NVL: variants seen among roughly 807,000 people sequenced by gnomAD.
NVL encodes nuclear valosin-containing protein-like.
In NVL, 84 loss-of-function variants were observed where a neutral mutation model predicts 110.2. The observed-to-expected ratio is 0.76, with a 90% CI of 0.64 to 0.91. The LOEUF (loss-of-function observed/expected upper bound fraction) is 0.91. NVL is among the 40% of genes least tolerant of loss of function. The pLI is 0.00. For missense variants in NVL, 882 were observed against 1,035.9 expected (o/e 0.85, Z 2.04); for synonymous variants, 354 against 361.1 (o/e 0.98, Z 0.22).
At chr1:224,275,830 TC>T (rs1438832506) in intron 16 of NVL, among the ~76,000 whole-genome samples, 1 of 152,212 alleles carries the variant, frequency 6.6e-6, no homozygotes, top group Admixed American at 6.5e-5. Flanking sequence ...TTTCATTAAT[TC>T]AACAGTATTT....
chr1:224,299,518 T>G (rs1156256668), intron 10 of NVL, among the ~76,000 whole-genome samples: 1 of 152,208 alleles, frequency 6.6e-6, no homozygotes. Context: ...GGTACTGTAC[T>G]GGCTCAGTAC....
intron 18 of NVL, among the ~76,000 whole-genome samples, chr1:224,251,571 C>A (rs1357775404): frequency 1.3e-5 from 2 of 150,828 alleles, no homozygotes; most frequent in Admixed American, 6.6e-5. Flanking sequence ...ACCTGGGAGG[C>A]GGAGGCTGCA....
chr1:224,260,699 C>CT (rs940200696), intron 18 of NVL, among the ~76,000 whole-genome samples: 9,955 of 126,300 alleles, frequency 0.079, 1,355 homozygotes, highest in African/African-American at 0.26. Flanking sequence ...TCTTCTTTTC[C>CT]TTTTTTTTTT....
At chr1:224,269,593 G>A (rs990582842) in intron 17 of NVL, 2 of 152,274 alleles carry the variant, frequency 1.3e-5, no homozygotes, top group Non-Finnish European at 2.9e-5. Flanking sequence ...TAAATTCAGG[G>A]AGGGGGATAA....
chr1:224,269,724 G>A (rs1209191764), intron 17 of NVL: 1 of 151,428 alleles, frequency 6.6e-6, no homozygotes, highest in African/African-American at 2.4e-5. Context: ...AGGTGGTAAT[G>A]GGCTTACCTC....
chr1:224,261,851 C>T (rs1272993440), intron 18 of NVL, among the ~76,000 whole-genome samples: 1 of 151,268 alleles, frequency 6.6e-6, no homozygotes, highest in Non-Finnish European at 1.5e-5. Flanking sequence ...GTCCCAGCTA[C>T]GTGAGAGGCT....
chr1:224,298,034 C>T (rs1342802962), intron 10 of NVL, among the ~76,000 whole-genome samples: 1 of 129,472 alleles, frequency 7.7e-6, no homozygotes, highest in African/African-American at 3.0e-5. Context: ...GATACTCCAT[C>T]TCAAAAAAAA....
chr1:224,295,148 G>A (rs16846190), intron 11 of NVL, among the ~76,000 whole-genome samples: 9,056 of 152,204 alleles, frequency 0.059, 844 homozygotes, highest in African/African-American at 0.2. Context: ...CAGGTAACAA[G>A]AAGGTAGTAA....
chr1:224,255,864 C>T (rs1012001228), intron 18 of NVL, among the ~76,000 whole-genome samples: 3 of 152,106 alleles, frequency 2.0e-5, no homozygotes, highest in African/African-American at 7.2e-5. Flanking sequence ...TTTCAATGGT[C>T]TTTGATTCAT....
chr1:224,297,384 A>G (rs1047725553), intron 10 of NVL, among the ~76,000 whole-genome samples: 2 of 152,218 alleles, frequency 1.3e-5, no homozygotes, highest in Admixed American at 6.5e-5. Flanking sequence ...CGGTTCAGAA[A>G]GAATAAGTTA....
At chr1:224,242,934 C>T in intron 19 of NVL, among the ~76,000 whole-genome samples, 1 of 150,360 alleles carries the variant, frequency 6.7e-6, no homozygotes, top group Non-Finnish European at 1.5e-5. Context: ...AAGCGATTCT[C>T]CTGCCTCAGC....
intron 19 of NVL, among the ~76,000 whole-genome samples, chr1:224,244,689 C>T (rs1454340281): frequency 6.7e-6 from 1 of 148,934 alleles, no homozygotes; most frequent in Non-Finnish European, 1.5e-5. Flanking sequence ...TCAGGCTGGT[C>T]TCCATTTTTT....
At chr1:224,329,013 A>G (rs369587311) in intron 1 of NVL, among the ~76,000 whole-genome samples, 31 of 152,106 alleles carry the variant, frequency 2.0e-4, no homozygotes, top group Admixed American at 6.6e-4. Context: ...GACCAGCCAG[A>G]GTAACATAGT....
intron 19 of NVL, among the ~76,000 whole-genome samples, chr1:224,239,910 ATTTTTCT>A (rs903587001): frequency 2.0e-5 from 3 of 151,798 alleles, no homozygotes; most frequent in Non-Finnish European, 4.4e-5. Context: ...CAGAGGAGGA[ATTTTTCT>A]TTTTTCTGTC....
chr1:224,229,441 A>AT (rs886668535), intron 22 of NVL, among the ~76,000 whole-genome samples: 17 of 149,062 alleles, frequency 1.1e-4, no homozygotes, highest in Admixed American at 2.7e-4. Flanking sequence ...TTAAAAAAAA[A>AT]TTTTTTTTTT....
chr1:224,293,051 G>A (rs539146544), intron 12 of NVL, among the ~76,000 whole-genome samples: 7 of 150,288 alleles, frequency 4.7e-5, no homozygotes, highest in Admixed American at 6.6e-5. Context: ...CACCATACCC[G>A]ACCTAATATT....
At chr1:224,276,929 TTTA>T in intron 16 of NVL, among the ~76,000 whole-genome samples, 1 of 4,950 alleles carries the variant, frequency 2.0e-4, no homozygotes. Flanking sequence ...TAAAACTAGT[TTTA>T]TGACACATAA....
At chr1:224,239,213 A>T (rs1406186514) in intron 19 of NVL, among the ~76,000 whole-genome samples, 1 of 152,192 alleles carries the variant, frequency 6.6e-6, no homozygotes, top group East Asian at 1.9e-4. Context: ...TGCAAGTAAC[A>T]CTGGGCGAGG....
intron 1 of NVL, among the ~76,000 whole-genome samples, chr1:224,328,738 C>A (rs569095134): frequency 5.5e-4 from 84 of 151,998 alleles, no homozygotes; most frequent in Non-Finnish European, 1.6e-4. Flanking sequence ...ACAGGACGAA[C>A]GGTAGTATCA....
Sources: allele counts gnomAD v4.1 joint callset (sites outside exome capture counted in the v4.1 genomes callset), GRCh38; gene constraint gnomAD v4.1.1; transcripts MANE v1.5; gene names NCBI Gene and HGNC (gene_info 2026-07-23, HGNC 2026-07-21).